DPP10: variants seen among roughly 807,000 people sequenced by gnomAD.
DPP10 encodes dipeptidyl peptidase like 10, also known as inactive dipeptidyl peptidase 10.
A neutral mutation model predicts 120.9 loss-of-function variants in DPP10; 33 were observed. That is an observed-to-expected ratio of 0.27 (90% confidence interval 0.21 to 0.37). The LOEUF is 0.37. Among genes scored for constraint, DPP10 ranks in the 10% least tolerant of loss-of-function variants. DPP10 has a pLI of 1.00. For synonymous variants in DPP10, 337 were observed against 326.1 expected (o/e 1.03, Z -0.36); for missense variants, 816 against 942.8 (o/e 0.87, Z 1.76).
rs146487475 is a variant in DPP10 at position 115,371,003 on chromosome 2, T to C, written c.271+27091T>C. Among the ~76,000 whole-genome samples, 483 of 152,260 alleles carry C rather than the reference T, an allele frequency of 3.2e-3. 9 individuals are homozygous for C. The highest frequency in any genetic ancestry group is 1.6e-3 in the Non-Finnish European group (106 of 67,994). On this transcript the variant is annotated intron_variant, in intron 3 of 25. Transcript: ENST00000410059. ...CAAAGAGTTGTGAAGGCCTTTGTTA[T>C]TGAAAACATTAAATGAATTGTTAAA...
intron 1 of DPP10, among the ~76,000 whole-genome samples, chr2:114,881,578 ATCTG>A (rs746459323): frequency 0.17 from 17,223 of 98,904 alleles, 1,354 homozygotes; most frequent in African/African-American, 0.23. Flanking sequence ...CTATCTATCT[ATCTG>A]TCTGTCTGTC....
At chr2:115,804,700 A>C (rs1277547282) in intron 19 of DPP10, among the ~76,000 whole-genome samples, 1 of 152,234 alleles carries the variant, frequency 6.6e-6, no homozygotes, top group Non-Finnish European at 1.5e-5. Flanking sequence ...GGTCCACTCC[A>C]GACCCTGTTT....
chr2:114,892,022 C>G (rs974590303), intron 1 of DPP10, among the ~76,000 whole-genome samples: 41 of 152,164 alleles, frequency 2.7e-4, no homozygotes, highest in African/African-American at 8.7e-4. Flanking sequence ...GAAGTAGGAC[C>G]CTTTACAACT....
intron 1 of DPP10, among the ~76,000 whole-genome samples, chr2:114,968,504 A>G (rs976403011): frequency 5.3e-5 from 8 of 152,292 alleles, no homozygotes; most frequent in African/African-American, 1.9e-4. Flanking sequence ...TTAGGCAGTC[A>G]CTATATGTTC....
chr2:115,225,292 A>G (rs924007219), intron 1 of DPP10, among the ~76,000 whole-genome samples: 1 of 152,082 alleles, frequency 6.6e-6, no homozygotes, highest in African/African-American at 2.4e-5. Context: ...GCAGAGACGC[A>G]GAACAGGTGA....
intron 1 of DPP10, among the ~76,000 whole-genome samples, chr2:114,912,840 A>G (rs1009235359): frequency 6.6e-6 from 1 of 152,170 alleles, no homozygotes; most frequent in Non-Finnish European, 1.5e-5. Context: ...AACTGCCCAG[A>G]GAGTTGATGG....
chr2:115,743,122 A>G (rs1677496487), intron 9 of DPP10, among the ~76,000 whole-genome samples: 1 of 151,984 alleles, frequency 6.6e-6, no homozygotes, highest in Non-Finnish European at 1.5e-5. Context: ...TGCAGTCTTC[A>G]TGGCAAATGT....
At chr2:115,562,118 A>G (rs2080723992) in intron 5 of DPP10, among the ~76,000 whole-genome samples, 2 of 152,178 alleles carry the variant, frequency 1.3e-5, no homozygotes, top group African/African-American at 4.8e-5. Context: ...TCAAAGTCAT[A>G]TCTCACCTTT....
At chr2:115,666,980 C>T (rs537243948) in intron 5 of DPP10, among the ~76,000 whole-genome samples, 2 of 152,164 alleles carry the variant, frequency 1.3e-5, no homozygotes, top group South Asian at 2.1e-4. Flanking sequence ...GAAGAAGGTA[C>T]CTGCTTCCCT....
At chr2:114,688,098 A>G (rs1699489962) in intron 1 of DPP10, among the ~76,000 whole-genome samples, 1 of 152,016 alleles carries the variant, frequency 6.6e-6, no homozygotes, top group African/African-American at 2.4e-5. Context: ...CAAAGGGAAG[A>G]ACATGTTACA....
chr2:115,172,245 G>A (rs983930922), intron 1 of DPP10, among the ~76,000 whole-genome samples: 1 of 152,094 alleles, frequency 6.6e-6, no homozygotes, highest in Non-Finnish European at 1.5e-5. Context: ...TCCCCCGGGC[G>A]TGGTGGTGGG....
chr2:114,479,821 A>G (rs930371012), intron 1 of DPP10, among the ~76,000 whole-genome samples: 1 of 152,220 alleles, frequency 6.6e-6, no homozygotes, highest in African/African-American at 2.4e-5. Context: ...CTTCATGTCT[A>G]AAACACCAAA....
intron 7 of DPP10, among the ~76,000 whole-genome samples, chr2:115,702,157 T>C (rs888965322): frequency 1.3e-5 from 2 of 152,082 alleles, no homozygotes; most frequent in East Asian, 3.9e-4. Context: ...ATTTCCTTGT[T>C]CCTCAAGGTT....
chr2:114,446,269 A>G (rs1254152715), intron 1 of DPP10, among the ~76,000 whole-genome samples: 2 of 152,208 alleles, frequency 1.3e-5, no homozygotes, highest in Non-Finnish European at 2.9e-5. Context: ...TTGCAAACTT[A>G]GAATTTTGCC....
At chr2:115,098,721 C>G (rs1254292746) in intron 1 of DPP10, among the ~76,000 whole-genome samples, 3 of 152,034 alleles carry the variant, frequency 2.0e-5, no homozygotes, top group Non-Finnish European at 2.9e-5. Context: ...TGGAAAAACA[C>G]AAAAAGGACA....
chr2:114,573,410 G>A (rs959499267), intron 1 of DPP10, among the ~76,000 whole-genome samples: 4 of 152,056 alleles, frequency 2.6e-5, no homozygotes, highest in East Asian at 1.9e-4. Flanking sequence ...AGAAAGCACC[G>A]ATAGTTCCAC....
intron 1 of DPP10, among the ~76,000 whole-genome samples, chr2:114,831,870 A>ATG (rs1237293448): frequency 6.8e-6 from 1 of 147,658 alleles, no homozygotes; most frequent in Non-Finnish European, 1.5e-5. Context: ...ATATATATAT[A>ATG]TAATATATAT....
chr2:115,806,873 A>G (rs1239554466), intron 19 of DPP10, among the ~76,000 whole-genome samples: 1 of 151,726 alleles, frequency 6.6e-6, no homozygotes. Context: ...GCAAGCATGT[A>G]GAATATTTTC....
At chr2:114,768,152 C>T (rs1680908045) in intron 1 of DPP10, among the ~76,000 whole-genome samples, 1 of 145,240 alleles carries the variant, frequency 6.9e-6, no homozygotes, top group Non-Finnish European at 1.5e-5. Context: ...AAAAAGTTCT[C>T]AGAGAAAAAA....
Sources: gnomAD v4.1 joint callset for allele counts (sites outside exome capture counted in the v4.1 genomes callset) on GRCh38, gnomAD v4.1.1 for gene constraint, MANE v1.5 for transcripts, NCBI Gene and HGNC (gene_info 2026-07-23, HGNC 2026-07-21) for gene names.